Variants in ADGRL3 observed in about 807,000 individuals in gnomAD.
ADGRL3 encodes the protein calcium-independent alpha-latrotoxin receptor 3.
Under a neutral mutation model 153.5 loss-of-function variants are expected in ADGRL3, and 62 were observed. The ratio of observed to expected loss-of-function variants is 0.40; its 90% CI spans 0.33 to 0.50. The LOEUF (loss-of-function observed/expected upper bound fraction) is 0.50. Ranked by LOEUF, ADGRL3 falls within the 20% of genes least tolerant of loss-of-function variation. ADGRL3 has a pLI of 0.47. For missense variants in ADGRL3, 1,641 were observed against 1,859.4 expected (o/e 0.88, Z 2.16); for synonymous variants, 710 against 672.5 (o/e 1.06, Z -0.86).
chr4:61,762,729 A>G lies in ADGRL3; in HGVS notation c.1399+29175A>G, dbSNP rs186881849. On this transcript the variant is annotated intron_variant, in intron 8 of 26. Transcript: ENST00000683033. ...GAAATTATTTTGCTAAGATACAAAA[A>G]TCTTTGTTTCCTAAGTAGATTACTT... is the stretch of plus-strand genomic sequence containing the variant. 5.3e-5 allele frequency among the ~76,000 whole-genome samples: 8 copies of G among 152,314 alleles called. No individual in the cohort carries two copies. The East Asian group carries it at 1.5e-3, about 29-fold the overall frequency.
intron 5 of ADGRL3, among the ~76,000 whole-genome samples, chr4:61,617,919 A>G (rs2092180092): frequency 6.6e-6 from 1 of 152,188 alleles, no homozygotes. Flanking sequence ...TGCTTGTACT[A>G]GCAAATTTGC....
chr4:61,919,292 G>A (rs572348262), intron 13 of ADGRL3, among the ~76,000 whole-genome samples: 5 of 152,172 alleles, frequency 3.3e-5, no homozygotes, highest in Non-Finnish European at 7.3e-5. Context: ...TAATTAAAAG[G>A]ACATCTGAAA....
At chr4:61,701,176 A>G (rs2095751748) in intron 6 of ADGRL3, among the ~76,000 whole-genome samples, 1 of 152,182 alleles carries the variant, frequency 6.6e-6, no homozygotes, top group South Asian at 2.1e-4. Context: ...AGACAAATGA[A>G]GACATATATA....
At chr4:61,546,779 A>T (rs2098715586) in intron 4 of ADGRL3, among the ~76,000 whole-genome samples, 3 of 152,204 alleles carry the variant, frequency 2.0e-5, no homozygotes, top group African/African-American at 4.8e-5. Flanking sequence ...TAGCTGTTAC[A>T]TTGTGAATAG....
At position 61,618,117 on chromosome 4, in the gene ADGRL3, G is replaced by A. The variant is rs557375325; in HGVS notation, c.473+30677G>A. The stretch of plus-strand genomic sequence containing the variant: ...ATAATTGGGGTTATATTGGGATCCA[G>A]AAAGAGATTTATTGGTGCAACCTTA... On this transcript the variant is annotated intron_variant, in intron 5 of 26. Transcript: ENST00000683033. Among the ~76,000 whole-genome samples the A allele has an allele frequency of 1.1e-3, 164 of 152,278 alleles. 3 individuals are homozygous for A. In the South Asian group the frequency reaches 0.013, roughly 12 times the overall value.
At position 62,070,510 on chromosome 4, in the gene ADGRL3, G is replaced by A. The variant is rs1181192322; in HGVS notation, c.4234G>A (p.Glu1412Lys). 6.4e-7 allele frequency: 1 copy of A among 1,551,010 alleles called. No homozygotes were observed. The highest frequency in any genetic ancestry group is 8.7e-7 in the Non-Finnish European group (1 of 1,146,844). The change falls in exon 27 of 27, where the codon GAG becomes AAG. Residue 1412 changes from glutamate to lysine, a missense_variant. Glu to Lys is a moderately conservative substitution (Grantham distance 56). This residue lies in a region of ADGRL3 where 517 missense variants were observed against 555.0 expected (regional missense o/e 0.93). Coordinates refer to ENST00000683033, the MANE Select transcript of ADGRL3 (RefSeq NM_001387552.1). The part of the protein sequence containing the change: ...PLLPPRVYST[E>K]NHQPHHYTRR... ...GCTGCCCCCAAGAGTATACTCCACCGAGAACCACCAGCCACACCATTATAC... is the reference window on the plus strand; with the variant it reads ...GCTGCCCCCAAGAGTATACTCCACCAAGAACCACCAGCCACACCATTATAC...
chr4:61,796,855 G>A (rs528198924), intron 8 of ADGRL3, among the ~76,000 whole-genome samples: 1 of 152,132 alleles, frequency 6.6e-6, no homozygotes, highest in South Asian at 2.1e-4. Context: ...AATACAAAAG[G>A]ATAAAAAAAT....
Position 61,517,401 on chromosome 4 carries a change from C to T in ADGRL3, c.142C>T (p.His48Tyr), listed in dbSNP as rs1249473834. The change falls in exon 4 of 27, where the codon CAT (histidine) becomes TAT (tyrosine). Residue 48 changes from histidine (H) to tyrosine (Y), a missense_variant. Physicochemically the swap from His to Tyr is moderately conservative, Grantham distance 83 (BLOSUM62 2). This residue lies in a region of ADGRL3 where 145 missense variants were observed against 79.1 expected (regional missense o/e 1.83). Transcript: ENST00000683033. ...CCCAGGAGGCGCTCTTCCACCCAGA[C>T]ATCTGCTTCAGCAGCCAGCTGCAGA... ...RSPGGALPPR[H>Y]LLQQPAAERT... 1 of 742,842 alleles carries T rather than the reference C, an allele frequency of 1.3e-6. No homozygotes were observed. The highest frequency in any genetic ancestry group is 1.7e-5 in the African/African-American group (1 of 58,166). 46.0% of individuals were successfully genotyped at this position (742,842 alleles called of 1,614,324 possible). A position where few individuals can be genotyped will look rare whatever the true frequency, so the allele number is the denominator to read the frequency against.
At chr4:61,805,194 G>A (rs1041426845) in intron 8 of ADGRL3, among the ~76,000 whole-genome samples, 8 of 151,828 alleles carry the variant, frequency 5.3e-5, no homozygotes, top group East Asian at 1.9e-4. Context: ...CGCCCGCCTC[G>A]GTCTCCCAAA....
At chr4:61,309,899 A>G (rs909660949) in intron 1 of ADGRL3, among the ~76,000 whole-genome samples, 15 of 151,924 alleles carry the variant, frequency 9.9e-5, no homozygotes, top group African/African-American at 3.1e-4. Flanking sequence ...TAATTTATCT[A>G]TTTTTCTCCT....
Position 61,531,430 on chromosome 4 carries a change from C to T in ADGRL3, c.259+13912C>T, listed in dbSNP as rs112240030. ...AAAGGGAAAAGAGGTGAGTGCCTTG[C>T]GTCATTCTGTGGCAGCCTCAGGGAT... is the stretch of plus-strand genomic sequence containing the variant. On this transcript the variant is annotated intron_variant, in intron 4 of 26. Transcript: ENST00000683033. 8.9e-4 allele frequency among the ~76,000 whole-genome samples: 136 copies of T among 152,226 alleles called. 1 individual carries two copies. The highest frequency in any genetic ancestry group is 6.8e-3 in the Middle Eastern group (2 of 294).
chr4:61,677,792 A>G (rs1305448554), intron 6 of ADGRL3, among the ~76,000 whole-genome samples: 1 of 152,008 alleles, frequency 6.6e-6, no homozygotes, highest in Non-Finnish European at 1.5e-5. Context: ...GGGATCAGCA[A>G]GTTTGCGTTT....
chr4:61,555,028 C>T (rs866449140), intron 4 of ADGRL3, among the ~76,000 whole-genome samples: 2 of 152,164 alleles, frequency 1.3e-5, no homozygotes, highest in East Asian at 1.9e-4. Context: ...GTAGTAAGAG[C>T]TGTCTCATTT....
chr4:61,591,202 C>T (rs192791421), intron 5 of ADGRL3, among the ~76,000 whole-genome samples: 101 of 152,092 alleles, frequency 6.6e-4, no homozygotes, highest in African/African-American at 2.2e-3. Context: ...ACTTTTTGTC[C>T]GGCTTCTCTC....
At chr4:61,510,087 G>A (rs1057253464) in intron 3 of ADGRL3, among the ~76,000 whole-genome samples, 9 of 152,148 alleles carry the variant, frequency 5.9e-5, no homozygotes, top group Admixed American at 1.3e-4. Context: ...GTTTGTTCAT[G>A]TCCTTCGCCT....
At chr4:61,750,191 A>T (rs796336458) in intron 8 of ADGRL3, among the ~76,000 whole-genome samples, 41 of 138,986 alleles carry the variant, frequency 2.9e-4, no homozygotes, top group Admixed American at 8.9e-4. Flanking sequence ...TTAAAAAAAA[A>T]AAAAAAAAAA....
chr4:61,376,775 C>T (rs2096608294), intron 1 of ADGRL3, among the ~76,000 whole-genome samples: 1 of 152,146 alleles, frequency 6.6e-6, no homozygotes, highest in African/African-American at 2.4e-5. Flanking sequence ...TTCTTGTTTT[C>T]TCCTTTATTA....
intron 3 of ADGRL3, among the ~76,000 whole-genome samples, chr4:61,506,894 A>G (rs994019869): frequency 1.3e-5 from 2 of 152,176 alleles, no homozygotes; most frequent in East Asian, 1.9e-4. Context: ...AGATGATGTG[A>G]GGAAAAAACC....
chr4:61,824,819 A>G (rs934476728), intron 9 of ADGRL3, among the ~76,000 whole-genome samples: 6 of 152,276 alleles, frequency 3.9e-5, no homozygotes, highest in Admixed American at 3.3e-4. Flanking sequence ...GAAGATATGT[A>G]TGATAAAAAT....
Sources: allele counts gnomAD v4.1 joint callset (sites outside exome capture counted in the v4.1 genomes callset), GRCh38; gene constraint gnomAD v4.1.1; regional missense constraint gnomAD v4.1.1; transcripts MANE v1.5; gene names NCBI Gene and HGNC (gene_info 2026-07-23, HGNC 2026-07-21).